The following SULF2 variants were observed in gnomAD, a reference collection of about 807,000 sequenced individuals.
SULF2 encodes sulfatase 2.
SULF2 carries 52 observed loss-of-function variants against 107.7 expected under a neutral mutation model. The ratio of observed to expected loss-of-function variants is 0.48; its 90% confidence interval spans 0.39 to 0.61. The LOEUF is 0.61. Among genes scored for constraint, SULF2 ranks in the 20% least tolerant of loss-of-function variants. The pLI is 0.00. For missense variants in SULF2, 993 were observed against 1,177.3 expected (o/e 0.84, Z 2.29); for synonymous variants, 460 against 464.3 (o/e 0.99, Z 0.12).
chr20:47,765,133 C>T (rs926126256), intron 1 of SULF2, among the ~76,000 whole-genome samples: 13 of 151,960 alleles, frequency 8.6e-5, no homozygotes, highest in African/African-American at 3.1e-4. Context: ...GGGCGGATCA[C>T]GAGGTCAGGA....
chr20:47,696,026 C>T (rs529182477), intron 4 of SULF2, among the ~76,000 whole-genome samples: 1 of 152,270 alleles, frequency 6.6e-6, no homozygotes, highest in South Asian at 2.1e-4. Flanking sequence ...ATTCTTAGCT[C>T]AGGGGCCATA....
At chr20:47,714,212 C>T (rs6125081) in intron 3 of SULF2, among the ~76,000 whole-genome samples, 2,148 of 152,318 alleles carry the variant, frequency 0.014, 25 homozygotes, top group East Asian at 0.052. Context: ...TTCCAGTTGT[C>T]CGCGTGCCTC....
intron 10 of SULF2, among the ~76,000 whole-genome samples, chr20:47,674,767 G>A (rs1022109996): frequency 4.6e-5 from 7 of 152,098 alleles, no homozygotes; most frequent in Non-Finnish European, 1.0e-4. Flanking sequence ...AGACGTCCTC[G>A]GGCCACAGGG....
rs190537398 is a variant in SULF2, at chr20:47,780,696, G to A, written c.-101+4647C>T. ...AGCCTCCTGTGTAGCTGGAATTACA[G>A]GCAAGCACCATCACACCTGGCTAAT... On this transcript the variant is annotated intron_variant, in intron 1 of 20. Transcript: ENST00000688720. 1.8e-4 allele frequency among the ~76,000 whole-genome samples: 28 copies of A among 152,268 alleles called. No homozygotes were observed. In the East Asian group the frequency reaches 5.0e-3, roughly 27 times the overall value.
At chr20:47,682,960 G>T (rs370622388) in intron 7 of SULF2, 34 bp downstream of exon 7, 9 of 1,550,122 alleles carry the variant, frequency 5.8e-6, no homozygotes, top group Admixed American at 1.8e-5. Flanking sequence ...GGGCCCAGGG[G>T]CCTCCCTGGG....
chr20:47,658,097 CTT>C lies in SULF2; in HGVS notation c.*263_*264del. On this transcript the variant is annotated 3_prime_UTR_variant, in exon 21 of 21. Transcript: ENST00000688720. ...GCTTCTGGGGGAGGGTTAGTGGTGA[CTT>C]TTTGATACGAAAAAATGCATTTTGT... is the stretch of plus-strand genomic sequence containing the variant. 1 of 521,024 alleles carries C rather than the reference CTT, an allele frequency of 1.9e-6. No individual in the cohort carries two copies. Among genetic ancestry groups the C allele is most frequent in the South Asian group, 2.8e-5 (1 of 36,242 alleles). The allele number at this position is 521,024 out of a possible 1,614,324, so 32.3% of individuals were successfully genotyped here.
At chr20:47,764,375 A>C (rs546105131) in intron 1 of SULF2, among the ~76,000 whole-genome samples, 74 of 152,174 alleles carry the variant, frequency 4.9e-4, no homozygotes, top group African/African-American at 6.5e-4. Context: ...CTGGCTTAAC[A>C]AAGAATTATC....
At chr20:47,681,046 A>C (rs2087808521) in intron 7 of SULF2, among the ~76,000 whole-genome samples, 1 of 152,194 alleles carries the variant, frequency 6.6e-6, no homozygotes, top group Non-Finnish European at 1.5e-5. Context: ...CTTCTGTTCA[A>C]AGCAGTTTGG....
At chr20:47,701,561 C>T (rs894854335) in intron 4 of SULF2, among the ~76,000 whole-genome samples, 5 of 152,216 alleles carry the variant, frequency 3.3e-5, no homozygotes, top group African/African-American at 7.2e-5. Flanking sequence ...TGCTCAGCAA[C>T]GCTGCTGTGA....
rs577937551 is a variant in SULF2 at position 47,690,227 on chromosome 20, C to T, written c.636G>A (p.Pro212=). 59 of 1,569,262 alleles carry T rather than the reference C, an allele frequency of 3.8e-5. No individual in the cohort carries two copies. The highest frequency in any genetic ancestry group is 2.9e-4 in the East Asian group (12 of 41,998). Residue 212 remains proline (P), a synonymous_variant, in exon 5 of 21, where the codon CCG becomes CCA. Coordinates refer to ENST00000688720, the MANE Select transcript of SULF2 (RefSeq NM_001387048.1). ...TGATGACCATGAGGACTGGCCTGTG[C>T]GGGTACATCTTCTTGGACGTGCGGA... The part of the protein sequence containing the change: ...SFFRTSKKMY[P]HRPVLMVISH...
chr20:47,713,504 C>T (rs2146656570), intron 3 of SULF2, among the ~76,000 whole-genome samples: 1 of 152,244 alleles, frequency 6.6e-6, no homozygotes, highest in African/African-American at 2.4e-5. Context: ...GACTCTGACT[C>T]CTTGGGCAAG....
intron 3 of SULF2, among the ~76,000 whole-genome samples, chr20:47,713,142 G>C (rs1326761833): frequency 6.6e-6 from 1 of 152,204 alleles, no homozygotes; most frequent in Non-Finnish European, 1.5e-5. Flanking sequence ...GGAGCAGGCA[G>C]GGCTGCCAAC....
At chr20:47,751,533 T>A (rs1329618101) in intron 2 of SULF2, among the ~76,000 whole-genome samples, 1 of 152,178 alleles carries the variant, frequency 6.6e-6, no homozygotes, top group Non-Finnish European at 1.5e-5. Flanking sequence ...ATGGTGTTCA[T>A]GTGGGTCTAG....
At chr20:47,704,666 C>T (rs2088672356) in intron 3 of SULF2, among the ~76,000 whole-genome samples, 1 of 152,240 alleles carries the variant, frequency 6.6e-6, no homozygotes, top group African/African-American at 2.4e-5. Flanking sequence ...TTCTAGTCGT[C>T]TCTTTCTAGA....
intron 1 of SULF2, among the ~76,000 whole-genome samples, chr20:47,779,755 C>A (rs371164522): frequency 6.6e-6 from 1 of 151,952 alleles, no homozygotes; most frequent in Non-Finnish European, 1.5e-5. Context: ...TACAGGTGTG[C>A]GCCACCGTGC....
chr20:47,662,907 C>T (rs1028243021), intron 17 of SULF2, among the ~76,000 whole-genome samples, 163 bp downstream of exon 17: 1 of 118,330 alleles, frequency 8.5e-6, no homozygotes, highest in Non-Finnish European at 2.1e-5. Context: ...GCTGATTGAA[C>T]ACAGAACCCC....
chr20:47,773,821 CCTT>C (rs1293857561), intron 1 of SULF2, among the ~76,000 whole-genome samples: 2 of 152,226 alleles, frequency 1.3e-5, no homozygotes, highest in Non-Finnish European at 2.9e-5. Context: ...ACCCCCTCCT[CCTT>C]TTCAGCCCCA....
At position 47,682,977 on chromosome 20, in the gene SULF2, G is replaced by T; in HGVS notation, c.1064+17C>A. The T allele has an allele frequency of 6.3e-7, 1 of 1,585,828 alleles. No individual in the cohort carries two copies. The highest frequency in any genetic ancestry group is 2.2e-5 in the East Asian group (1 of 44,478). ...GCCCAGGGGCCTCCCTGGGTCCCTG[G>T]GGGATGACACACTTACAGACAGCCG... On this transcript the variant is annotated intron_variant, in intron 7 of 20. Transcript: ENST00000688720.
rs144227915 is a variant in SULF2 at position 47,721,223 on chromosome 20, G to A, written c.415+15480C>T. Among the ~76,000 whole-genome samples, 7 of 152,278 alleles carry A rather than the reference G, an allele frequency of 4.6e-5. No homozygotes were observed. The East Asian group carries it at 1.4e-3, about 29-fold the overall frequency. On this transcript the variant is annotated intron_variant, in intron 3 of 20. Transcript: ENST00000688720. ...ATAAAAGTTCTGGATGCCAGAGATG[G>A]GATCTTGCTGAACTGAAAGCTGTGT...
Sources: gnomAD v4.1 joint callset for allele counts (sites outside exome capture counted in the v4.1 genomes callset) on GRCh38, gnomAD v4.1.1 for gene constraint, MANE v1.5 for transcripts, NCBI Gene and HGNC (gene_info 2026-07-23, HGNC 2026-07-21) for gene names.